The following SLC4A4 variants were observed in gnomAD, a reference collection of about 807,000 sequenced individuals.
SLC4A4 encodes the protein solute carrier family 4 member 4.
SLC4A4 carries 27 observed loss-of-function variants against 111.5 expected under a neutral mutation model. The observed-to-expected ratio is 0.24, with a 90% CI of 0.18 to 0.33. The LOEUF is 0.33. Among genes scored for constraint, SLC4A4 ranks in the 10% least tolerant of loss-of-function variants. The pLI, the probability that SLC4A4 is intolerant of heterozygous loss-of-function variation, is 1.00. For synonymous variants in SLC4A4, 443 were observed against 463.4 expected, an observed-to-expected ratio of 0.96 and a Z score of 0.57; for missense variants, 909 against 1,315.5, an observed-to-expected ratio of 0.69 and a Z score of 4.78.
At chr4:71,493,134 A>G (rs1426886089) in intron 15 of SLC4A4, among the ~76,000 whole-genome samples, 2 of 151,956 alleles carry the variant, frequency 1.3e-5, no homozygotes, top group Non-Finnish European at 2.9e-5. Context: ...TTCTATATCT[A>G]ATTGAAATAG....
At chr4:71,288,109 C>G (rs747127681) in intron 3 of SLC4A4, among the ~76,000 whole-genome samples, 17 of 152,016 alleles carry the variant, frequency 1.1e-4, no homozygotes, top group Non-Finnish European at 2.2e-4. Context: ...CTAATACTTA[C>G]CAATTGCATT....
At chr4:71,203,120 A>G (rs1469890383) in intron 1 of SLC4A4, among the ~76,000 whole-genome samples, 1 of 152,156 alleles carries the variant, frequency 6.6e-6, no homozygotes, top group Non-Finnish European at 1.5e-5. Context: ...ATGTGTAAAA[A>G]TGTATTAATG....
intron 2 of SLC4A4, among the ~76,000 whole-genome samples, chr4:71,118,635 C>CT (rs1468410280): frequency 6.6e-6 from 1 of 151,844 alleles, no homozygotes; most frequent in Non-Finnish European, 1.5e-5. Flanking sequence ...CTGGAAATAT[C>CT]TTTATTTGCC....
At chr4:71,537,770 G>T (rs1421257092) in intron 18 of SLC4A4, among the ~76,000 whole-genome samples, 7 of 151,826 alleles carry the variant, frequency 4.6e-5, no homozygotes, top group African/African-American at 1.5e-4. Flanking sequence ...ATTTTGGGTG[G>T]TATCTCCCAT....
chr4:71,356,697 A>G (rs1264578349), intron 5 of SLC4A4, among the ~76,000 whole-genome samples: 3 of 152,006 alleles, frequency 2.0e-5, no homozygotes, highest in Non-Finnish European at 2.9e-5. Context: ...GAACTTTTTG[A>G]CTCTTCCCCT....
intron 2 of SLC4A4, among the ~76,000 whole-genome samples, chr4:71,168,014 A>T (rs994434197): frequency 6.6e-6 from 1 of 151,666 alleles, no homozygotes; most frequent in African/African-American, 2.4e-5. Context: ...TGTTTTTTTA[A>T]AATTTTTATA....
intron 3 of SLC4A4, among the ~76,000 whole-genome samples, chr4:71,262,794 C>T (rs1373111678): frequency 6.6e-6 from 1 of 151,812 alleles, no homozygotes; most frequent in Non-Finnish European, 1.5e-5. Flanking sequence ...GTATTTATTC[C>T]CCTTTCCCCC....
At chr4:71,474,892 A>G (rs1364090569) in intron 14 of SLC4A4, among the ~76,000 whole-genome samples, 1 of 151,728 alleles carries the variant, frequency 6.6e-6, no homozygotes, top group Non-Finnish European at 1.5e-5. Flanking sequence ...TATTATTAGA[A>G]TCAATTAAAT....
chr4:71,160,010 A>G (rs934122112), intron 2 of SLC4A4, among the ~76,000 whole-genome samples: 3 of 152,210 alleles, frequency 2.0e-5, no homozygotes, highest in Non-Finnish European at 4.4e-5. Context: ...AATACCTAAC[A>G]TTTATTGAAT....
At chr4:71,325,343 A>T (rs2148871614) in intron 3 of SLC4A4, among the ~76,000 whole-genome samples, 1 of 152,164 alleles carries the variant, frequency 6.6e-6, no homozygotes, top group East Asian at 1.9e-4. Context: ...AGGAGGGTAT[A>T]TCAGGACTGT....
intron 13 of SLC4A4, 47 bp downstream of exon 13, chr4:71,466,624 GA>G (rs1358239131): frequency 6.4e-7 from 1 of 1,568,982 alleles, no homozygotes; most frequent in South Asian, 1.1e-5. Context: ...CTTAATTGTA[GA>G]ACCTTTATAG....
At chr4:71,174,163 C>CT (rs1051624621) in intron 2 of SLC4A4, among the ~76,000 whole-genome samples, 48 of 150,392 alleles carry the variant, frequency 3.2e-4, no homozygotes, top group Non-Finnish European at 5.9e-4. Context: ...AACCAATTTC[C>CT]TTTTTTTTTC....
At chr4:71,213,071 G>A (rs946003561) in intron 1 of SLC4A4, among the ~76,000 whole-genome samples, 4 of 152,338 alleles carry the variant, frequency 2.6e-5, no homozygotes, top group East Asian at 3.9e-4. Flanking sequence ...TAGCCTAGGT[G>A]TGTAAGAGGC....
chr4:71,093,157 G>A (rs1560715384), intron 2 of SLC4A4, among the ~76,000 whole-genome samples: 1 of 151,882 alleles, frequency 6.6e-6, no homozygotes, highest in Non-Finnish European at 1.5e-5. Context: ...GACCTCTTTT[G>A]TTTTTTCTTT....
intron 6 of SLC4A4, among the ~76,000 whole-genome samples, chr4:71,385,200 T>TTTTTA (rs1426008465): frequency 2.0e-5 from 2 of 98,752 alleles, no homozygotes; most frequent in Non-Finnish European, 4.2e-5. Context: ...TATTTTTTTT[T>TTTTTA]TTTTTTTTTT....
chr4:71,261,247 T>G (rs775961353), intron 3 of SLC4A4, among the ~76,000 whole-genome samples: 1 of 152,182 alleles, frequency 6.6e-6, no homozygotes, highest in Non-Finnish European at 1.5e-5. Context: ...TGCTGCTCTT[T>G]TTTGTGGAAT....
chr4:71,495,752 A>G (rs1212475881), intron 15 of SLC4A4, among the ~76,000 whole-genome samples: 1 of 152,094 alleles, frequency 6.6e-6, no homozygotes, highest in African/African-American at 2.4e-5. Context: ...GACAGGAGAA[A>G]TTTATCTTTC....
chr4:71,446,160 C>T (rs912504360), intron 8 of SLC4A4, among the ~76,000 whole-genome samples: 1 of 149,422 alleles, frequency 6.7e-6, no homozygotes, highest in South Asian at 2.2e-4. Context: ...ATTTTAGAAT[C>T]CCTTTTGGGT....
chr4:71,089,156 G>A (rs1276282460), intron 1 of SLC4A4, among the ~76,000 whole-genome samples: 3 of 151,690 alleles, frequency 2.0e-5, no homozygotes, highest in African/African-American at 7.3e-5. Context: ...ATTTGATCTT[G>A]CATCACTGAT....
Sources: gnomAD v4.1 joint callset for allele counts (sites outside exome capture counted in the v4.1 genomes callset) on GRCh38, gnomAD v4.1.1 for gene constraint, MANE v1.5 for transcripts, NCBI Gene and HGNC (gene_info 2026-07-23, HGNC 2026-07-21) for gene names.